Variants in DNAAF11 observed in about 807,000 individuals in gnomAD.
DNAAF11 encodes the protein leucine rich repeat containing 6.
In DNAAF11, 45 loss-of-function variants were observed where a neutral mutation model predicts 60.8. The ratio of observed to expected loss-of-function variants is 0.74; its 90% CI spans 0.58 to 0.95. The LOEUF (loss-of-function observed/expected upper bound fraction) is 0.95, where lower values mean the gene tolerates loss of function less well. DNAAF11 is among the 40% of genes least tolerant of loss of function. DNAAF11 has a pLI of 0.00. For missense variants in DNAAF11, 546 were observed against 546.2 expected (o/e 1.00, Z 0.00); for synonymous variants, 191 against 183.5 (o/e 1.04, Z -0.33).
chr8:132,643,813 T>C (rs1433128860), intron 3 of DNAAF11: 1 of 439,260 alleles, frequency 2.3e-6, no homozygotes, highest in South Asian at 1.6e-5. Context: ...TGTGAGTAGC[T>C]ACCTCTAGGC....
chr8:132,611,694 T>G (rs1166180700), intron 8 of DNAAF11, among the ~76,000 whole-genome samples: 3 of 152,140 alleles, frequency 2.0e-5, no homozygotes, highest in African/African-American at 7.2e-5. Context: ...AAGACTTGAA[T>G]AGCCAGGAAT....
chr8:132,623,489 A>T (rs1271481829), intron 6 of DNAAF11, among the ~76,000 whole-genome samples: 1 of 152,160 alleles, frequency 6.6e-6, no homozygotes. Context: ...AGGGTTGGAT[A>T]GGAGGTAAAT....
intron 7 of DNAAF11, among the ~76,000 whole-genome samples, chr8:132,618,999 G>A (rs1277502844): frequency 1.1e-4 from 16 of 152,144 alleles, no homozygotes; most frequent in Admixed American, 4.6e-4. Flanking sequence ...ACATGCACAC[G>A]TATGTTTATT....
the DNAAF11 span, among the ~76,000 whole-genome samples, chr8:132,693,236 G>A: frequency 1.3e-5 from 2 of 152,188 alleles, no homozygotes; most frequent in Non-Finnish European, 2.9e-5. Flanking sequence ...GATTCAGAGT[G>A]AGCATATGCA....
chr8:132,613,334 A>G (rs1258164488), intron 8 of DNAAF11, among the ~76,000 whole-genome samples: 1 of 152,208 alleles, frequency 6.6e-6, no homozygotes, highest in East Asian at 1.9e-4. Flanking sequence ...TATGCAATGG[A>G]ATAGTATTTG....
At chr8:132,659,670 A>G (rs921125434) in intron 2 of DNAAF11, among the ~76,000 whole-genome samples, 65 of 152,378 alleles carry the variant, frequency 4.3e-4, no homozygotes, top group African/African-American at 1.5e-3. Context: ...CAAAAAATAC[A>G]GAGAATTTTA....
chr8:132,698,791 A>T, the DNAAF11 span, among the ~76,000 whole-genome samples: 21,547 of 152,014 alleles, frequency 0.14, 4,376 homozygotes, highest in African/African-American at 0.45. Context: ...AATAAGAATG[A>T]TAATTTCTGA....
At chr8:132,702,347 G>A in the DNAAF11 span, 1 of 152,166 alleles carries the variant, frequency 6.6e-6, no homozygotes, top group East Asian at 1.9e-4. Flanking sequence ...CTGTGTCTAA[G>A]TCTACATATA....
chr8:132,691,142 A>G, the DNAAF11 span, among the ~76,000 whole-genome samples: 16,789 of 152,124 alleles, frequency 0.11, 1,055 homozygotes, highest in East Asian at 0.23. Context: ...CCATAGGAGA[A>G]GAGTTTATTC....
chr8:132,611,810 G>A (rs1818698237), intron 8 of DNAAF11, among the ~76,000 whole-genome samples: 1 of 152,004 alleles, frequency 6.6e-6, no homozygotes, highest in Non-Finnish European at 1.5e-5. Context: ...ATCTCTCCTG[G>A]AAGACTAGAT....
In DNAAF11 at chr8:132,629,643, G is replaced by A. The variant is rs183996362; in HGVS notation, c.653+3097C>T. ...ATTACAGGCATGAGCCACTGCGCCC[G>A]GCCCAGATACCCATTCTTAACGCTA... On this transcript the variant is annotated intron_variant, in intron 5 of 11. Coordinates refer to ENST00000620350, the MANE Select transcript of DNAAF11 (RefSeq NM_012472.6). Among the ~76,000 whole-genome samples the A allele has an allele frequency of 7.2e-5, 11 of 152,104 alleles. No individual in the cohort carries two copies. The East Asian group carries it at 7.7e-4, about 11-fold the overall frequency.
At chr8:132,623,999 T>A (rs947415574) in intron 6 of DNAAF11, among the ~76,000 whole-genome samples, 1 of 152,152 alleles carries the variant, frequency 6.6e-6, no homozygotes, top group African/African-American at 2.4e-5. Context: ...GACTCAGATC[T>A]CCATCCAATT....
chr8:132,675,420 C>T, intron 1 of DNAAF11, 64 bp downstream of exon 1: 1 of 1,526,218 alleles, frequency 6.6e-7, no homozygotes. Flanking sequence ...GCGAGGATCC[C>T]ACGAGACCCG....
intron 9 of DNAAF11, among the ~76,000 whole-genome samples, chr8:132,611,048 C>T (rs1023360568): frequency 6.6e-5 from 10 of 152,156 alleles, no homozygotes; most frequent in African/African-American, 2.4e-4. Context: ...GCATGAGCCA[C>T]CATGCCTGGC....
At chr8:132,582,742 C>CAT (rs1351338300) in intron 11 of DNAAF11, among the ~76,000 whole-genome samples, 2 of 152,206 alleles carry the variant, frequency 1.3e-5, no homozygotes, top group East Asian at 1.9e-4. Context: ...TTATGCAACA[C>CAT]ATATATATAG....
chr8:132,671,247 G>GA (rs1180795917), intron 1 of DNAAF11, among the ~76,000 whole-genome samples: 16 of 152,056 alleles, frequency 1.1e-4, no homozygotes, highest in Admixed American at 1.0e-3. Context: ...AGATCTATAT[G>GA]AAAAAATCAA....
At chr8:132,636,959 G>T (rs1051529303) in intron 4 of DNAAF11, among the ~76,000 whole-genome samples, 5 of 152,136 alleles carry the variant, frequency 3.3e-5, no homozygotes, top group African/African-American at 1.2e-4. Flanking sequence ...TATTGAACAG[G>T]CGATGTATCC....
chr8:132,579,730 C>T (rs1360651690), intron 11 of DNAAF11, among the ~76,000 whole-genome samples: 1 of 152,166 alleles, frequency 6.6e-6, no homozygotes, highest in Non-Finnish European at 1.5e-5. Context: ...CGTAGTGTCT[C>T]GTGCCTGTAA....
chr8:132,690,157 G>T, the DNAAF11 span, among the ~76,000 whole-genome samples: 2 of 152,186 alleles, frequency 1.3e-5, no homozygotes, highest in Middle Eastern at 3.4e-3. Flanking sequence ...CATTATATAG[G>T]TATCCTGTTT....
Sources: gnomAD v4.1 joint callset for allele counts (sites outside exome capture counted in the v4.1 genomes callset) on GRCh38, gnomAD v4.1.1 for gene constraint, MANE v1.5 for transcripts, NCBI Gene and HGNC (gene_info 2026-07-23, HGNC 2026-07-21) for gene names.